Variants in ENPP2 observed in about 807,000 individuals in gnomAD.
The protein encoded by ENPP2 is autotaxin.
Under a neutral mutation model 120.2 loss-of-function variants are expected in ENPP2, and 51 were observed. The ratio of observed to expected loss-of-function variants is 0.42; its 90% confidence interval spans 0.34 to 0.54. The LOEUF is 0.54. Among genes scored for constraint, ENPP2 ranks in the 20% least tolerant of loss-of-function variants. The pLI is 0.04. For missense variants in ENPP2, 920 were observed against 1,066.5 expected, an observed-to-expected ratio of 0.86 and a Z score of 1.91; for synonymous variants, 365 against 366.4, an observed-to-expected ratio of 1.00 and a Z score of 0.04.
intron 1 of ENPP2, among the ~76,000 whole-genome samples, chr8:119,647,746 T>C (rs1246242345): frequency 2.6e-5 from 4 of 152,216 alleles, no homozygotes; most frequent in Non-Finnish European, 5.9e-5. Context: ...GGCTCACACC[T>C]GTAATCCTAG....
chr8:119,566,080 C>T lies in ENPP2; in HGVS notation c.2132-1125G>A, dbSNP rs142565859. Among the ~76,000 whole-genome samples, 11 of 152,316 alleles carry T rather than the reference C, an allele frequency of 7.2e-5. No homozygotes were observed. In the East Asian group the frequency reaches 2.1e-3, roughly 29 times the overall value. ...ATTTCAGGCTAAGCTTTTGCACTTG[C>T]TCTTTCCTTCGTTTGAAAAACATTC... On this transcript the variant is annotated intron_variant, in intron 22 of 24. Transcript: ENST00000075322.
At chr8:119,567,294 G>A (rs996826646) in intron 22 of ENPP2, among the ~76,000 whole-genome samples, 5 of 152,236 alleles carry the variant, frequency 3.3e-5, no homozygotes, top group Admixed American at 3.3e-4. Context: ...ATGGATGAAT[G>A]AGGATGGAGA....
intron 9 of ENPP2, among the ~76,000 whole-genome samples, chr8:119,605,537 C>T (rs1407709996): frequency 2.0e-5 from 3 of 150,596 alleles, no homozygotes; most frequent in Non-Finnish European, 3.0e-5. Context: ...CTCAGCTCAC[C>T]GAAACCTCTG....
At position 119,570,721 on chromosome 8, in the gene ENPP2, T is replaced by C. The variant is rs1198132163; in HGVS notation, c.1901A>G (p.Tyr634Cys). ...EIFLMPLWTS[Y>C]TVSKQAEVSS... ...CTCAATGACCTGTTTGGAAACAGTA[T>C]ATGATGTCCAGAGTGGCATTAGGAA... The change falls in exon 20 of 25, where the codon TAT (tyrosine) becomes TGT (cysteine). Residue 634 changes from tyrosine (Y) to cysteine (C), a missense_variant. Transcript: ENST00000075322. 2 of 1,568,902 alleles carry C rather than the reference T, an allele frequency of 1.3e-6. No homozygotes were observed. The highest frequency in any genetic ancestry group is 1.7e-6 in the Non-Finnish European group (2 of 1,156,886).
intron 1 of ENPP2, among the ~76,000 whole-genome samples, chr8:119,663,856 A>G (rs1817994145): frequency 6.6e-6 from 1 of 152,204 alleles, no homozygotes; most frequent in Non-Finnish European, 1.5e-5. Context: ...CCCTCATGCC[A>G]CTATGTTGAA....
At chr8:119,607,753 A>T (rs1814824271) in intron 9 of ENPP2, among the ~76,000 whole-genome samples, 169 bp downstream of exon 9, 1 of 152,088 alleles carries the variant, frequency 6.6e-6, no homozygotes, top group African/African-American at 2.4e-5. Context: ...TGAGGCACAG[A>T]GGGAGGATCT....
chr8:119,670,971 A>G (rs925575769), intron 1 of ENPP2, among the ~76,000 whole-genome samples: 5 of 152,074 alleles, frequency 3.3e-5, no homozygotes, highest in Admixed American at 2.6e-4. Flanking sequence ...GAACTGCATG[A>G]TCATATTATA....
intron 11 of ENPP2, chr8:119,595,958 C>A (rs745308558): frequency 1.9e-6 from 3 of 1,614,004 alleles, no homozygotes; most frequent in South Asian, 2.2e-5. Context: ...CAACTTTCCT[C>A]TTAGGTCTCT....
At chr8:119,585,932 ACAC>A (rs1813078268) in intron 15 of ENPP2, among the ~76,000 whole-genome samples, 1 of 110,694 alleles carries the variant, frequency 9.0e-6, no homozygotes, top group Admixed American at 9.4e-5. Flanking sequence ...AAAGAGACAC[ACAC>A]ACACACACAC....
At position 119,638,753 on chromosome 8, in the gene ENPP2, A is replaced by G. The variant is rs745616088; in HGVS notation, c.28T>C (p.Cys10Arg). 1.9e-6 allele frequency: 3 copies of G among 1,589,826 alleles called. No homozygotes were observed. Among genetic ancestry groups the G allele is most frequent in the African/African-American group, 1.3e-5 (1 of 74,516 alleles). The change falls in exon 1 of 25, where the codon TGT becomes CGT. Residue 10 changes from cysteine (C) to arginine (R), a missense_variant. By Grantham distance (180) the Cys-to-Arg change is radical (BLOSUM62 -3). Transcript: ENST00000075322. ...TCATTCCTCCGTTCTCCCACCTGAC[A>G]CGACTGGAACGAGCTCCTCCTTGCC... MARRSSFQS[C>R]QIISLFTFAV... is the part of the protein sequence containing the mutation.
chr8:119,563,261 C>T (rs1385004501), intron 23 of ENPP2, among the ~76,000 whole-genome samples: 2 of 152,098 alleles, frequency 1.3e-5, no homozygotes, highest in Non-Finnish European at 2.9e-5. Flanking sequence ...ATGGATTGAT[C>T]TAAGAATTGG....
chr8:119,664,084 G>A (rs1267492124), intron 1 of ENPP2, among the ~76,000 whole-genome samples: 1 of 152,152 alleles, frequency 6.6e-6, no homozygotes, highest in African/African-American at 2.4e-5. Flanking sequence ...GACGGAGGCA[G>A]AGTAGGTGCC....
chr8:119,662,340 A>T (rs148800682), intron 1 of ENPP2, among the ~76,000 whole-genome samples: 1 of 152,202 alleles, frequency 6.6e-6, no homozygotes, highest in African/African-American at 2.4e-5. Flanking sequence ...TAAACAATAA[A>T]GTAAATTGCA....
intron 8 of ENPP2, among the ~76,000 whole-genome samples, chr8:119,615,956 G>A (rs1815426895): frequency 6.6e-6 from 1 of 151,672 alleles, no homozygotes; most frequent in African/African-American, 2.4e-5. Context: ...TATACACACA[G>A]AGACACATAC....
chr8:119,564,847 T>C lies in ENPP2; in HGVS notation c.2240A>G (p.His747Arg), dbSNP rs374259521. ...CTGTTTTATTTTGTCTTCTGTGTCA[T>C]GTAAGCCATCATAGTCATAGTCGAA... The part of the protein sequence containing the change: ...PIFDYDYDGL[H>R]DTEDKIKQYV... Residue 747 changes from histidine (H) to arginine (R), a missense_variant, in exon 23 of 25, where the codon CAT becomes CGT. Transcript: ENST00000075322. 30 of 1,613,582 alleles carry C rather than the reference T, an allele frequency of 1.9e-5. No individual in the cohort carries two copies. The highest frequency in any genetic ancestry group is 2.5e-5 in the Non-Finnish European group (30 of 1,179,736).
chr8:119,590,292 T>A (rs923192394), intron 13 of ENPP2, among the ~76,000 whole-genome samples: 1 of 152,216 alleles, frequency 6.6e-6, no homozygotes, highest in Non-Finnish European at 1.5e-5. Context: ...TATGCATAGA[T>A]TAATTTCTAC....
At chr8:119,618,361 C>A in intron 5 of ENPP2, 1 of 471,784 alleles carries the variant, frequency 2.1e-6, no homozygotes, top group Non-Finnish European at 4.3e-6. Context: ...CTGTCTTCCC[C>A]ACAAAGAGAC....
chr8:119,642,404 T>C (rs1044565541), upstream of ENPP2, among the ~76,000 whole-genome samples: 1 of 152,220 alleles, frequency 6.6e-6, no homozygotes, highest in Non-Finnish European at 1.5e-5. Flanking sequence ...TTCATGTTTT[T>C]ATTTTTAGTT....
chr8:119,637,815 C>A (rs79556478), intron 2 of ENPP2, among the ~76,000 whole-genome samples: 3,135 of 152,216 alleles, frequency 0.021, 108 homozygotes, highest in African/African-American at 0.071. Context: ...AAAAGAAACT[C>A]TTTCACTTTG....
Sources: gnomAD v4.1 joint callset for allele counts (sites outside exome capture counted in the v4.1 genomes callset) on GRCh38, gnomAD v4.1.1 for gene constraint, MANE v1.5 for transcripts, NCBI Gene and HGNC (gene_info 2026-07-23, HGNC 2026-07-21) for gene names.